The following OR11A1 variants were observed in gnomAD, a reference collection of about 807,000 sequenced individuals.
OR11A1 encodes the protein olfactory receptor 11A1.
For missense variants in OR11A1, 380 were observed against 378.2 expected, an observed-to-expected ratio of 1.00 and a Z score of -0.04; for synonymous variants, 158 against 152.2, an observed-to-expected ratio of 1.04 and a Z score of -0.28.
In OR11A1 at chr6:29,426,824, T is replaced by C; in HGVS notation, c.818A>G (p.Lys273Arg). 1 of 1,612,574 alleles carries C rather than the reference T, an allele frequency of 6.2e-7. No individual in the cohort carries two copies. Among genetic ancestry groups the C allele is most frequent in the East Asian group, 2.2e-5 (1 of 44,836 alleles). Residue 273 changes from lysine (K) to arginine (R), a missense_variant, in exon 5 of 5, where the codon AAG (lysine) becomes AGG (arginine). Lys to Arg is a conservative substitution (Grantham distance 26). Transcript: ENST00000377149. ...CACAGTGTAGAGCAGGGAGAAGACC[T>C]TGGAGAGGAGCTGGGAATGGACAGC... Reference protein sequence around the residue: ...PSAVHSQLLSKVFSLLYTVVT... With the variant: ...PSAVHSQLLSRVFSLLYTVVT...
intron 1 of OR11A1, among the ~76,000 whole-genome samples, chr6:29,455,909 T>C (rs1786120748): frequency 1.5e-5 from 2 of 133,348 alleles, no homozygotes; most frequent in Admixed American, 7.4e-5. Flanking sequence ...ATCCTGTATA[T>C]CCTAAGCATA....
chr6:29,441,060 C>A, intron 1 of OR11A1: 1 of 737,046 alleles, frequency 1.4e-6, no homozygotes, highest in Middle Eastern at 3.1e-4. Context: ...GGAGGGCCAG[C>A]CTGTCAGAAA....
Position 29,427,712 on chromosome 6 carries a change from C to A in OR11A1, c.-71G>T. 1 of 1,524,996 alleles carries A rather than the reference C, an allele frequency of 6.6e-7. No homozygotes were observed. Among genetic ancestry groups the A allele is most frequent in the Non-Finnish European group, 8.8e-7 (1 of 1,138,652 alleles). 94.5% of individuals were successfully genotyped at this position (1,524,996 alleles called of 1,614,324 possible). A position where few individuals can be genotyped will look rare whatever the true frequency, so the allele number is the denominator to read the frequency against. On this transcript the variant is annotated 5_prime_UTR_variant, in exon 5 of 5. Transcript: ENST00000377149. The stretch of plus-strand genomic sequence containing the variant: ...TTAGCATGTCTCTGCATCTTCTATA[C>A]CAAGCCTAACGTTATTAGAGCTAAA...
In OR11A1 at chr6:29,427,335, A is replaced by G; in HGVS notation, c.307T>C (p.Phe103Leu). ...ISVAGCLLQF[F>L]IFGSLATAEC... ...GCTGTGGCTAGAGAGCCGAAGATAA[A>G]GAACTGGAGCAAGCAACCAGCCACA... The change falls in exon 5 of 5, where the codon TTT (phenylalanine) becomes CTT (leucine). Residue 103 changes from phenylalanine to leucine, a missense_variant. Transcript: ENST00000377149. 1 of 1,613,142 alleles carries G rather than the reference A, an allele frequency of 6.2e-7. No homozygotes were observed. Among genetic ancestry groups the G allele is most frequent in the East Asian group, 2.2e-5 (1 of 44,874 alleles).
intron 1 of OR11A1, among the ~76,000 whole-genome samples, chr6:29,445,294 TGTGCCCAGCC>T (rs1784635553): frequency 6.6e-6 from 1 of 152,186 alleles, no homozygotes; most frequent in Non-Finnish European, 1.5e-5. Flanking sequence ...CGTGAGCCAC[TGTGCCCAGCC>T]AGTATCCTCA....
intron 1 of OR11A1, among the ~76,000 whole-genome samples, chr6:29,452,294 G>A (rs1022069832): frequency 2.6e-5 from 4 of 152,026 alleles, no homozygotes; most frequent in Non-Finnish European, 5.9e-5. Flanking sequence ...ATTTACCCGT[G>A]TAACAAACCT....
Position 29,425,673 on chromosome 6 carries a change from A to T in OR11A1, c.*1021T>A, listed in dbSNP as rs1157062380. ...ACAAGGAGCTGTAGCTAATTAAAATAAGATTAGCAAAATGTTGATGTTGAA... is the reference window on the plus strand; with the variant it reads ...ACAAGGAGCTGTAGCTAATTAAAATTAGATTAGCAAAATGTTGATGTTGAA... On this transcript the variant is annotated 3_prime_UTR_variant, in exon 5 of 5. Coordinates refer to ENST00000377149, the MANE Select transcript of OR11A1 (RefSeq NM_001394828.1). The T allele has an allele frequency of 6.6e-6, 1 of 152,230 alleles. No individual in the cohort carries two copies. The highest frequency in any genetic ancestry group is 2.4e-5 in the African/African-American group (1 of 41,456). The allele number at this position is 152,230 out of a possible 1,614,324, so 9.4% of individuals were successfully genotyped here.
rs766849570 is a variant in OR11A1, at chr6:29,440,045, GTTTC to G, written c.-388-8062_-388-8059del. On this transcript the variant is annotated intron_variant, in intron 1 of 4. Transcript: ENST00000377149. ...GTGCAAACACCTCCATGGTGACTGA[GTTTC>G]TTCTTCTCGGCTTCTCCCACCTGGC... 43 of 1,613,134 alleles carry G rather than the reference GTTTC, an allele frequency of 2.7e-5. No homozygotes were observed. In the African/African-American group the frequency reaches 4.9e-4, roughly 19 times the overall value.
chr6:29,440,960 G>A (rs749548187), intron 1 of OR11A1: 7 of 1,577,752 alleles, frequency 4.4e-6, no homozygotes, highest in Admixed American at 1.7e-5. Context: ...TTTGAAAAGG[G>A]GGCGATAGTG....
At chr6:29,445,242 T>C (rs1784625245) in intron 1 of OR11A1, among the ~76,000 whole-genome samples, 1 of 152,126 alleles carries the variant, frequency 6.6e-6, no homozygotes, top group African/African-American at 2.4e-5. Flanking sequence ...TCTGACCTCA[T>C]GATCCACCTG....
chr6:29,448,939 CT>C (rs554500760), intron 1 of OR11A1, among the ~76,000 whole-genome samples: 6 of 152,136 alleles, frequency 3.9e-5, no homozygotes, highest in Non-Finnish European at 8.8e-5. Flanking sequence ...ACCTCTCCTT[CT>C]TTTACTTTAA....
Position 29,431,948 on chromosome 6 carries a change from G to T in OR11A1, c.-349C>A, listed in dbSNP as rs1020252753. 4.0e-5 allele frequency: 39 copies of T among 985,362 alleles called. No individual in the cohort carries two copies. Among genetic ancestry groups the T allele is most frequent in the Admixed American group, 1.8e-4 (3 of 16,276 alleles). The allele number at this position is 985,362 out of a possible 1,614,324, so 61.0% of individuals were successfully genotyped here. On this transcript the variant is annotated 5_prime_UTR_variant, in exon 2 of 5. Transcript: ENST00000377149. ...ATTTGCTGAAGACTTCAGAATGTTG[G>T]AATTTCCTACCTTCAGCTCCCTCCC... is the stretch of plus-strand genomic sequence containing the variant.
At chr6:29,456,319 G>C (rs1409070626) in intron 1 of OR11A1, among the ~76,000 whole-genome samples, 2 of 151,484 alleles carry the variant, frequency 1.3e-5, no homozygotes, top group Non-Finnish European at 2.9e-5. Context: ...TCAGGAGATC[G>C]AGACCATGGT....
At position 29,426,810 on chromosome 6, in the gene OR11A1, G is replaced by T. The variant is rs775386506; in HGVS notation, c.832C>A (p.Leu278Ile). The T allele has an allele frequency of 6.2e-7, 1 of 1,612,382 alleles. No individual in the cohort carries two copies. Among genetic ancestry groups the T allele is most frequent in the Non-Finnish European group, 8.5e-7 (1 of 1,179,742 alleles). The change falls in exon 5 of 5, where the codon CTC becomes ATC. Residue 278 changes from leucine to isoleucine, a missense_variant. By Grantham distance (5) the Leu-to-Ile change is conservative. Coordinates refer to ENST00000377149, the MANE Select transcript of OR11A1 (RefSeq NM_001394828.1). ...SQLLSKVFSLLYTVVTPLFNP... is the reference protein window; with the variant it reads ...SQLLSKVFSLIYTVVTPLFNP... Reference sequence around the variant, plus strand: ...AAGAGAGGGGTGACCACAGTGTAGAGCAGGGAGAAGACCTTGGAGAGGAGC... The same window carrying T: ...AAGAGAGGGGTGACCACAGTGTAGATCAGGGAGAAGACCTTGGAGAGGAGC...
chr6:29,426,877 C>G lies in OR11A1; in HGVS notation c.765G>C (p.Thr255=). 6.2e-7 allele frequency: 1 copy of G among 1,613,020 alleles called. No individual in the cohort carries two copies. Among genetic ancestry groups the G allele is most frequent in the Non-Finnish European group, 8.5e-7 (1 of 1,180,012 alleles). Residue 255 remains threonine, a synonymous_variant, in exon 5 of 5, where the codon ACG becomes ACC. Coordinates refer to ENST00000377149, the MANE Select transcript of OR11A1 (RefSeq NM_001394828.1). ...HLAVVTTFYG[T]LMIFYVAPSA... is the part of the protein sequence containing the mutation. ...AGGGTGCAACATAAAAGATCATGAGCGTTCCATAGAATGTGGTCACTACAG... is the reference window on the plus strand; with the variant it reads ...AGGGTGCAACATAAAAGATCATGAGGGTTCCATAGAATGTGGTCACTACAG...
rs771013581 is a variant in OR11A1, at chr6:29,440,773, C to T, written c.-388-8786G>A. 34 of 1,613,968 alleles carry T rather than the reference C, an allele frequency of 2.1e-5. No individual in the cohort carries two copies. The African/African-American group carries it at 2.4e-4, about 11-fold the overall frequency. ...ATCATGGTCTCCCTCTTCTATGGCA[C>T]CGCACTCTTTATCTATATTCGCCCT... On this transcript the variant is annotated intron_variant, in intron 1 of 4. Transcript: ENST00000377149.
At chr6:29,456,576 A>T (rs1256485012) in intron 1 of OR11A1, among the ~76,000 whole-genome samples, 2 of 152,204 alleles carry the variant, frequency 1.3e-5, no homozygotes, top group African/African-American at 4.8e-5. Context: ...TATCCACTAG[A>T]ATGTCTATCA....
intron 1 of OR11A1, among the ~76,000 whole-genome samples, chr6:29,435,291 G>A (rs1468741686): frequency 6.6e-6 from 1 of 152,202 alleles, no homozygotes; most frequent in Non-Finnish European, 1.5e-5. Flanking sequence ...AAGGACCAGA[G>A]GAGACATTCC....
rs1239661553 is a variant in OR11A1 at position 29,439,024 on chromosome 6, G to A, written c.-388-7037C>T. Among the ~76,000 whole-genome samples the A allele has an allele frequency of 3.9e-5, 6 of 152,242 alleles. 1 individual carries two copies. The highest frequency in any genetic ancestry group is 1.9e-4 in the East Asian group (1 of 5,184). ...TTTCTAATACACAACCTTGAATATG[G>A]CTGGAATATTGAATTTGTGTATATA... is the stretch of plus-strand genomic sequence containing the variant. On this transcript the variant is annotated intron_variant, in intron 1 of 4. Coordinates refer to ENST00000377149, the MANE Select transcript of OR11A1 (RefSeq NM_001394828.1).
Sources: allele counts gnomAD v4.1 joint callset (sites outside exome capture counted in the v4.1 genomes callset), GRCh38; gene constraint gnomAD v4.1.1; transcripts MANE v1.5; gene names NCBI Gene and HGNC (gene_info 2026-07-23, HGNC 2026-07-21).